CEP135: variants seen among roughly 807,000 people sequenced by gnomAD.
CEP135 encodes the protein centrosomal protein 135, also known as centrosomal protein of 135 kDa.
Under a neutral mutation model 157.3 loss-of-function variants are expected in CEP135, and 142 were observed. The observed-to-expected ratio is 0.90, with a 90% CI of 0.79 to 1.04. The LOEUF (loss-of-function observed/expected upper bound fraction) is 1.04. Ranked by LOEUF, CEP135 falls within the 50% of genes least tolerant of loss-of-function variation. CEP135 has a pLI of 0.00. For missense variants in CEP135, 1,317 were observed against 1,309.2 expected (o/e 1.01, Z -0.09); for synonymous variants, 396 against 439.8 (o/e 0.90, Z 1.25).
Position 56,017,663 on chromosome 4 carries a change from C to G in CEP135, c.2818C>G (p.His940Asp). Reference sequence around the variant, plus strand: ...CTTTTTTCAGCACATAAATGCCCATCATGCTTATGAATCTCAGATCTCATC... The same window carrying G: ...CTTTTTTCAGCACATAAATGCCCATGATGCTTATGAATCTCAGATCTCATC... ...KEIQEHINAH[H>D]AYESQISSMA... The change falls in exon 22 of 26, where the codon CAT (histidine) becomes GAT (aspartate). Residue 940 changes from histidine (H) to aspartate (D), a missense_variant. His to Asp is a moderately conservative substitution (Grantham distance 81, BLOSUM62 -1). Coordinates refer to ENST00000257287, the MANE Select transcript of CEP135 (RefSeq NM_025009.5). 3 of 1,606,048 alleles carry G rather than the reference C, an allele frequency of 1.9e-6. No individual in the cohort carries two copies. The highest frequency in any genetic ancestry group is 3.4e-5 in the Admixed American group (2 of 59,060).
intron 17 of CEP135, among the ~76,000 whole-genome samples, chr4:56,006,427 A>AT (rs1577902929): frequency 1.3e-5 from 2 of 152,120 alleles, no homozygotes; most frequent in East Asian, 1.9e-4. Flanking sequence ...TTTGTTTGAC[A>AT]TTTTTTATTA....
chr4:55,980,963 A>G (rs536705607), intron 12 of CEP135, among the ~76,000 whole-genome samples: 1 of 152,252 alleles, frequency 6.6e-6, no homozygotes, highest in South Asian at 2.1e-4. Context: ...CTTAGATTTC[A>G]GCTTTCTTGG....
chr4:56,009,094 G>A (rs1044898930), intron 18 of CEP135, among the ~76,000 whole-genome samples: 10 of 152,134 alleles, frequency 6.6e-5, no homozygotes, highest in Non-Finnish European at 1.5e-4. Context: ...TAGAAACAAC[G>A]TCTCCCTATA....
chr4:55,979,270 T>A (rs1236458651), intron 11 of CEP135, among the ~76,000 whole-genome samples: 1 of 152,178 alleles, frequency 6.6e-6, no homozygotes, highest in Non-Finnish European at 1.5e-5. Context: ...GCATACAAAT[T>A]TATTTACATG....
chr4:56,013,696 C>T (rs536739995), intron 21 of CEP135, among the ~76,000 whole-genome samples: 1 of 151,926 alleles, frequency 6.6e-6, no homozygotes, highest in African/African-American at 2.4e-5. Flanking sequence ...CAATAGTTGG[C>T]CATTATTGTC....
intron 14 of CEP135, among the ~76,000 whole-genome samples, chr4:55,986,963 T>C (rs1311814420): frequency 6.6e-6 from 1 of 152,224 alleles, no homozygotes; most frequent in Non-Finnish European, 1.5e-5. Context: ...ATGCCAGACA[T>C]TGTGAATCTT....
At position 55,964,264 on chromosome 4, in the gene CEP135, A is replaced by G. The variant is rs369136062; in HGVS notation, c.700-10A>G. 813 of 1,600,940 alleles carry G rather than the reference A, an allele frequency of 5.1e-4. 2 individuals carry two copies. Among genetic ancestry groups the G allele is most frequent in the Non-Finnish European group, 6.3e-4 (745 of 1,175,630 alleles). ...GATTTTTTAAAATGACAGCATGACT[A>G]TATCTTCAGATTGAGCTAAGAGAAC... On this transcript the variant is annotated splice_polypyrimidine_tract_variant and intron_variant, in intron 6 of 25. Transcript: ENST00000257287.
intron 6 of CEP135, 141 bp from the exon 7 acceptor site, chr4:55,964,133 A>C (rs752261065): frequency 6.0e-5 from 41 of 679,156 alleles, no homozygotes; most frequent in Non-Finnish European, 8.4e-5. Flanking sequence ...TTATGCATAT[A>C]ATATATGGAC....
intron 17 of CEP135, among the ~76,000 whole-genome samples, chr4:56,007,802 G>T (rs928921684): frequency 6.6e-6 from 1 of 152,136 alleles, no homozygotes; most frequent in South Asian, 2.1e-4. Context: ...TCTGCTCAGA[G>T]GTTTTTTACG....
intron 15 of CEP135, among the ~76,000 whole-genome samples, chr4:55,995,999 C>T (rs1729957559): frequency 6.6e-6 from 1 of 152,146 alleles, no homozygotes; most frequent in Admixed American, 6.5e-5. Flanking sequence ...CTGGAAATGA[C>T]CCATAAAGTC....
rs1731406277 is a variant in CEP135 at position 56,032,834 on chromosome 4, T to C, written c.*1486T>C. 1 of 145,944 alleles carries C rather than the reference T, an allele frequency of 6.9e-6. No homozygotes were observed. The highest frequency in any genetic ancestry group is 2.6e-5 in the African/African-American group (1 of 38,746). 9.0% of individuals were successfully genotyped at this position (145,944 alleles called of 1,614,324 possible). On this transcript the variant is annotated 3_prime_UTR_variant, in exon 26 of 26. Transcript: ENST00000257287. ...TGATATATTTTGTTTCCTCTTGTGG[T>C]TTAATAAAGTGAAGTGTGTGTGTGT...
chr4:55,982,737 T>C (rs1347935818), intron 13 of CEP135, among the ~76,000 whole-genome samples: 2 of 152,208 alleles, frequency 1.3e-5, no homozygotes, highest in Non-Finnish European at 2.9e-5. Flanking sequence ...TTCTCAGTGA[T>C]GTCTTTGAAA....
intron 19 of CEP135, 92 bp downstream of exon 19, chr4:56,009,995 A>T (rs761629768): frequency 5.2e-4 from 647 of 1,246,898 alleles, no homozygotes; most frequent in Non-Finnish European, 6.8e-4. Context: ...AAATCTGATG[A>T]TATAAAAATA....
intron 17 of CEP135, among the ~76,000 whole-genome samples, chr4:56,001,634 A>G (rs1220040714): frequency 6.6e-6 from 1 of 152,086 alleles, no homozygotes; most frequent in Non-Finnish European, 1.5e-5. Flanking sequence ...TTTTACACCA[A>G]TACCATGCTG....
intron 21 of CEP135, among the ~76,000 whole-genome samples, chr4:56,014,250 CAAACACCTGA>C (rs1008422201): frequency 3.2e-4 from 48 of 152,306 alleles, no homozygotes; most frequent in African/African-American, 1.1e-3. Context: ...GCTGCTACAA[CAAACACCTGA>C]AAATATGAAA....
intron 11 of CEP135, among the ~76,000 whole-genome samples, chr4:55,975,525 A>C (rs763231693): frequency 1.3e-5 from 2 of 152,194 alleles, no homozygotes; most frequent in African/African-American, 2.4e-5. Context: ...TGTTCTCTCT[A>C]TGTTATTTTC....
At chr4:56,018,842 A>T (rs924015568) in intron 22 of CEP135, among the ~76,000 whole-genome samples, 1 of 152,224 alleles carries the variant, frequency 6.6e-6, no homozygotes, top group African/African-American at 2.4e-5. Flanking sequence ...AAAAATCTCA[A>T]GGTGTTTAAA....
chr4:55,974,470 C>T (rs1421505711), intron 10 of CEP135, among the ~76,000 whole-genome samples: 2 of 152,120 alleles, frequency 1.3e-5, no homozygotes, highest in Non-Finnish European at 2.9e-5. Context: ...TTTATTGCTT[C>T]ATTTTGTAGT....
chr4:56,026,132 C>A (rs1731152386), intron 25 of CEP135, among the ~76,000 whole-genome samples: 4 of 152,010 alleles, frequency 2.6e-5, no homozygotes, highest in Admixed American at 1.3e-4. Flanking sequence ...TTGCTTGAAC[C>A]CAGGAGGCAG....
Sources: allele counts gnomAD v4.1 joint callset (sites outside exome capture counted in the v4.1 genomes callset), GRCh38; gene constraint gnomAD v4.1.1; transcripts MANE v1.5; gene names NCBI Gene and HGNC (gene_info 2026-07-23, HGNC 2026-07-21).